PIK3CB: variants seen among roughly 807,000 people sequenced by gnomAD.
PIK3CB encodes phosphatidylinositol-4,5-bisphosphate 3-kinase catalytic subunit beta.
Under a neutral mutation model 136.8 loss-of-function variants are expected in PIK3CB, and 39 were observed. The observed-to-expected ratio is 0.29, with a 90% confidence interval of 0.22 to 0.37. The LOEUF (loss-of-function observed/expected upper bound fraction) is 0.37, where lower values mean the gene tolerates loss of function less well. Among genes scored for constraint, PIK3CB ranks in the 10% least tolerant of loss-of-function variants. The probability of loss-of-function intolerance (pLI) is 1.00; values close to 1 mark genes in which losing one functional copy is unlikely to be tolerated. For synonymous variants in PIK3CB, 428 were observed against 436.6 expected (o/e 0.98, Z 0.25); for missense variants, 868 against 1,275.4 (o/e 0.68, Z 4.87).
chr3:138,804,365 T>C (rs925896325), intron 1 of PIK3CB, among the ~76,000 whole-genome samples: 2 of 151,704 alleles, frequency 1.3e-5, no homozygotes, highest in African/African-American at 2.4e-5. Flanking sequence ...AAATTACAAA[T>C]CAGCCAGGCA....
intron 4 of PIK3CB, among the ~76,000 whole-genome samples, chr3:138,746,487 C>T (rs1310720586): frequency 1.3e-5 from 2 of 151,856 alleles, no homozygotes; most frequent in Non-Finnish European, 2.9e-5. Flanking sequence ...GGTGAAACCC[C>T]ATCTCTACTA....
At chr3:138,832,754 G>A (rs564069494) in intron 1 of PIK3CB, among the ~76,000 whole-genome samples, 12 of 151,302 alleles carry the variant, frequency 7.9e-5, no homozygotes, top group Non-Finnish European at 1.2e-4. Context: ...GCTTGAACCC[G>A]GGAGGCGGAG....
At chr3:138,756,240 C>T (rs970812374) in intron 3 of PIK3CB, among the ~76,000 whole-genome samples, 4 of 152,066 alleles carry the variant, frequency 2.6e-5, no homozygotes, top group Non-Finnish European at 4.4e-5. Context: ...TTTCTTACAA[C>T]AGCAAATTAT....
chr3:138,725,094 A>AGCCCAGACTTCACTTCTATGCAATATAT (rs1454516435), intron 8 of PIK3CB, among the ~76,000 whole-genome samples: 1 of 152,158 alleles, frequency 6.6e-6, no homozygotes, highest in African/African-American at 2.4e-5. Context: ...ATACACTAAA[A>AGCCCAGACTTCACTTCTATGCAATATAT]GCCCAGACTT....
At chr3:138,707,958 T>C (rs1328555562) in intron 10 of PIK3CB, among the ~76,000 whole-genome samples, 2 of 152,190 alleles carry the variant, frequency 1.3e-5, no homozygotes, top group Non-Finnish European at 2.9e-5. Context: ...GTTCGCATCA[T>C]ATAATTTTTT....
At chr3:138,746,078 C>T (rs1014056607) in intron 4 of PIK3CB, among the ~76,000 whole-genome samples, 10 of 151,992 alleles carry the variant, frequency 6.6e-5, no homozygotes, top group African/African-American at 2.4e-4. Context: ...GAGACCTCAT[C>T]TCTATAAAAA....
chr3:138,767,419 T>C (rs2045746679), intron 2 of PIK3CB, among the ~76,000 whole-genome samples: 1 of 152,186 alleles, frequency 6.6e-6, no homozygotes, highest in Non-Finnish European at 1.5e-5. Flanking sequence ...CAGTCCACTT[T>C]CAGAATCACT....
At chr3:138,829,143 T>C (rs931054925) in intron 1 of PIK3CB, among the ~76,000 whole-genome samples, 1 of 151,562 alleles carries the variant, frequency 6.6e-6, no homozygotes, top group African/African-American at 2.4e-5. Context: ...TCAAACAGAT[T>C]ATGACAGATA....
intron 1 of PIK3CB, among the ~76,000 whole-genome samples, chr3:138,832,557 G>C (rs1236517631): frequency 1.3e-5 from 2 of 151,950 alleles, no homozygotes; most frequent in Non-Finnish European, 2.9e-5. Context: ...GCCGGGCGCG[G>C]TGGCTTCCTC....
intron 2 of PIK3CB, among the ~76,000 whole-genome samples, chr3:138,785,225 C>T (rs1427070850): frequency 6.6e-6 from 1 of 151,228 alleles, no homozygotes; most frequent in African/African-American, 2.4e-5. Flanking sequence ...CCGCCCTGTC[C>T]CGGAGGGAGG....
chr3:138,745,431 A>G (rs187749962), intron 4 of PIK3CB, among the ~76,000 whole-genome samples: 3 of 152,162 alleles, frequency 2.0e-5, no homozygotes, highest in Non-Finnish European at 4.4e-5. Context: ...TCAGGAGTTC[A>G]AGACCAGCCT....
chr3:138,754,034 T>C (rs1559863197), intron 4 of PIK3CB, among the ~76,000 whole-genome samples: 1 of 152,230 alleles, frequency 6.6e-6, no homozygotes, highest in Non-Finnish European at 1.5e-5. Context: ...TCGGTCAATA[T>C]ACTTGTCCTG....
In PIK3CB at chr3:138,742,602, A is replaced by G; in HGVS notation, c.577T>C (p.Tyr193His). 2.5e-6 allele frequency: 4 copies of G among 1,602,854 alleles called. No homozygotes were observed. The highest frequency in any genetic ancestry group is 1.1e-5 in the South Asian group (1 of 90,468). The change falls in exon 5 of 24, where the codon TAT becomes CAT. Residue 193 changes from tyrosine to histidine, a missense_variant. By Grantham distance (83) the Tyr-to-His change is moderately conservative (BLOSUM62 2). Around this residue, in one of 4 missense-constraint regions of PIK3CB, gnomAD observed 612 missense variants for 801.1 expected, o/e 0.76. Coordinates refer to ENST00000674063, the MANE Select transcript of PIK3CB (RefSeq NM_006219.3). ...ACAGCTACGATGAGCTTTCCCCCAT[A>G]AAGTTTATCTTCTAAGTTTTCAGGG... ...SIPENLEDKL[Y>H]GGKLIVAVHF...
At chr3:138,813,473 C>T (rs111279691) in intron 1 of PIK3CB, among the ~76,000 whole-genome samples, 4 of 149,740 alleles carry the variant, frequency 2.7e-5, no homozygotes, top group African/African-American at 9.8e-5. Context: ...GCTCTGTCGC[C>T]CAGGCTGAAG....
chr3:138,714,687 A>G lies in PIK3CB; in HGVS notation c.1083T>C (p.Thr361=), dbSNP rs377726824. Residue 361 remains threonine, a synonymous_variant, in exon 9 of 24, where the codon ACT becomes ACC. Transcript: ENST00000674063. The part of the protein sequence containing the change: ...VHVRAGLFHG[T]ELLCKTIVSS... Reference sequence around the variant, plus strand: ...TTACGATGGTTTTACACAGGAGCTCAGTACCATGAAAAAGACCAGCCCTGA... The same window carrying G: ...TTACGATGGTTTTACACAGGAGCTCGGTACCATGAAAAAGACCAGCCCTGA... 1.2e-6 allele frequency: 2 copies of G among 1,611,150 alleles called. No individual in the cohort carries two copies. The highest frequency in any genetic ancestry group is 1.7e-6 in the Non-Finnish European group (2 of 1,178,848).
At position 138,832,507 on chromosome 3, in the gene PIK3CB, C is replaced by T. The variant is rs55939514; in HGVS notation, c.-122+2188G>A. 1.7e-3 allele frequency among the ~76,000 whole-genome samples: 262 copies of T among 151,758 alleles called. 1 individual carries two copies. The highest frequency in any genetic ancestry group is 6.2e-3 in the African/African-American group (257 of 41,398). Reference sequence around the variant, plus strand: ...AGGAGATCAAGACCAGCCTGGCCAACATGGCAAAACCACCTCTCTACCAAA... The same window carrying T: ...AGGAGATCAAGACCAGCCTGGCCAATATGGCAAAACCACCTCTCTACCAAA... On this transcript the variant is annotated intron_variant, in intron 1 of 23. Transcript: ENST00000674063.
At chr3:138,769,955 C>T (rs2045780303) in intron 2 of PIK3CB, 1 of 152,122 alleles carries the variant, frequency 6.6e-6, no homozygotes, top group African/African-American at 2.4e-5. Flanking sequence ...GAGTCAGACC[C>T]AAAAGTCAGA....
intron 4 of PIK3CB, among the ~76,000 whole-genome samples, chr3:138,755,226 T>C (rs1417450102): frequency 6.6e-6 from 1 of 152,250 alleles, no homozygotes; most frequent in African/African-American, 2.4e-5. Flanking sequence ...GTTCATTCTA[T>C]AGGAGCAGTT....
chr3:138,784,713 A>G (rs2045956469), intron 2 of PIK3CB, among the ~76,000 whole-genome samples: 1 of 152,154 alleles, frequency 6.6e-6, no homozygotes. Context: ...TTGCAGACGG[A>G]GTCTCGCTCA....
Sources: gnomAD v4.1 joint callset for allele counts (sites outside exome capture counted in the v4.1 genomes callset) on GRCh38, gnomAD v4.1.1 for gene constraint, gnomAD v4.1.1 regional missense constraint, MANE v1.5 for transcripts, NCBI Gene and HGNC (gene_info 2026-07-23, HGNC 2026-07-21) for gene names.